The following ARB2A variants were observed in gnomAD, a reference collection of about 807,000 sequenced individuals.
ARB2A encodes the protein cotranscriptional regulator ARB2A.
the ARB2A span, among the ~76,000 whole-genome samples, chr5:94,011,071 GCACTT>G: frequency 6.6e-6 from 1 of 152,100 alleles, no homozygotes; most frequent in Non-Finnish European, 1.5e-5. Flanking sequence ...CTCCAATAGA[GCACTT>G]CACTCATCTC....
At chr5:93,688,410 T>C in the ARB2A span, among the ~76,000 whole-genome samples, 1 of 152,248 alleles carries the variant, frequency 6.6e-6, no homozygotes, top group Non-Finnish European at 1.5e-5. Context: ...TTCCATTCTA[T>C]AGCCTAATTA....
the ARB2A span, among the ~76,000 whole-genome samples, chr5:94,062,030 A>G: frequency 1.0e-3 from 158 of 152,338 alleles, no homozygotes; most frequent in African/African-American, 3.1e-3. Flanking sequence ...TTAACTTACT[A>G]TATAGCTACT....
At chr5:94,024,570 C>T in the ARB2A span, among the ~76,000 whole-genome samples, 1 of 152,088 alleles carries the variant, frequency 6.6e-6, no homozygotes, top group African/African-American at 2.4e-5. Flanking sequence ...GCCCGCCACC[C>T]CACCACCACA....
the ARB2A span, among the ~76,000 whole-genome samples, chr5:93,999,595 G>GAACAGCCTCCCTCATTATC: frequency 6.6e-6 from 1 of 151,836 alleles, no homozygotes; most frequent in African/African-American, 2.4e-5. Context: ...CCCCACACAT[G>GAACAGCCTCCCTCATTATC]AACAGCCTCC....
At chr5:93,727,686 C>T in the ARB2A span, among the ~76,000 whole-genome samples, 22 of 152,040 alleles carry the variant, frequency 1.4e-4, no homozygotes, top group African/African-American at 4.6e-4. Context: ...AAATTATTCA[C>T]CTAACATGTT....
the ARB2A span, among the ~76,000 whole-genome samples, chr5:94,013,898 T>C: frequency 5.3e-5 from 8 of 152,176 alleles, no homozygotes; most frequent in African/African-American, 1.9e-4. Context: ...ATTTCTGTGA[T>C]GCCTCTCCCC....
chr5:93,820,616 AT>A, the ARB2A span, among the ~76,000 whole-genome samples: 1 of 152,208 alleles, frequency 6.6e-6, no homozygotes, highest in Non-Finnish European at 1.5e-5. Context: ...GTAAAGTAAA[AT>A]TTGTAAGAAA....
At chr5:93,939,354 C>T in the ARB2A span, among the ~76,000 whole-genome samples, 1 of 151,986 alleles carries the variant, frequency 6.6e-6, no homozygotes, top group African/African-American at 2.4e-5. Context: ...GTTCACACTG[C>T]ACCATAATGG....
At chr5:93,626,952 A>T in the ARB2A span, among the ~76,000 whole-genome samples, 126 of 152,324 alleles carry the variant, frequency 8.3e-4, 2 homozygotes, top group East Asian at 0.014. Flanking sequence ...AAAATTAGTC[A>T]ATCCTTTCAA....
chr5:93,774,561 A>G, the ARB2A span, among the ~76,000 whole-genome samples: 1 of 152,336 alleles, frequency 6.6e-6, no homozygotes, highest in East Asian at 1.9e-4. Flanking sequence ...CAGTTCTTAC[A>G]TTGTAAACAA....
the ARB2A span, among the ~76,000 whole-genome samples, chr5:93,692,370 A>G: frequency 2.6e-5 from 4 of 151,852 alleles, no homozygotes; most frequent in South Asian, 6.2e-4. Context: ...AAACAAAACA[A>G]GCAAACAAAA....
the ARB2A span, among the ~76,000 whole-genome samples, chr5:93,647,297 G>C: frequency 2.6e-5 from 4 of 152,000 alleles, no homozygotes; most frequent in African/African-American, 9.6e-5. Flanking sequence ...TGCAATCTCA[G>C]CTCATTGCAA....
At chr5:93,682,935 T>G in the ARB2A span, 1 of 1,578,196 alleles carries the variant, frequency 6.3e-7, no homozygotes, top group African/African-American at 1.3e-5. Flanking sequence ...GCTTCCACTT[T>G]GGGAAGAGAA....
At chr5:93,965,657 C>T in the ARB2A span, among the ~76,000 whole-genome samples, 1 of 152,040 alleles carries the variant, frequency 6.6e-6, no homozygotes, top group African/African-American at 2.4e-5. Context: ...AGTGTTTCTC[C>T]ACCCCAAAAT....
At chr5:94,077,887 A>G in the ARB2A span, among the ~76,000 whole-genome samples, 39 of 152,364 alleles carry the variant, frequency 2.6e-4, no homozygotes, top group African/African-American at 9.1e-4. Context: ...TCTGTGAACT[A>G]CACAAAGCAA....
the ARB2A span, chr5:93,741,547 G>T: frequency 6.3e-7 from 1 of 1,580,134 alleles, no homozygotes; most frequent in Admixed American, 1.8e-5. Context: ...GTGGTTTGAG[G>T]GCCTGTGTCC....
chr5:93,825,025 T>C, the ARB2A span, among the ~76,000 whole-genome samples: 1 of 152,236 alleles, frequency 6.6e-6, no homozygotes, highest in Non-Finnish European at 1.5e-5. Context: ...GCTTTGATTG[T>C]GCTTTGTCTT....
chr5:94,068,681 G>A, the ARB2A span, among the ~76,000 whole-genome samples: 5 of 151,876 alleles, frequency 3.3e-5, no homozygotes, highest in African/African-American at 7.3e-5. Context: ...CTGATTGGTC[G>A]GGTGTGAGCT....
the ARB2A span, among the ~76,000 whole-genome samples, chr5:94,103,890 A>C: frequency 6.6e-6 from 1 of 152,022 alleles, no homozygotes; most frequent in Non-Finnish European, 1.5e-5. Flanking sequence ...GAAATTAAAC[A>C]ATCTGTTCCT....
Sources: allele counts gnomAD v4.1 joint callset (sites outside exome capture counted in the v4.1 genomes callset), GRCh38; gene constraint gnomAD v4.1.1; transcripts MANE v1.5; gene names NCBI Gene and HGNC (gene_info 2026-07-23, HGNC 2026-07-21).